The following KCNT1 variants were observed in gnomAD, a reference collection of about 807,000 sequenced individuals.
KCNT1 encodes potassium sodium-activated channel subfamily T member 1.
In KCNT1, 78 loss-of-function variants were observed where a neutral mutation model predicts 147.8. That is an observed-to-expected ratio of 0.53 (90% CI 0.44 to 0.64). The LOEUF is 0.64. Ranked by LOEUF, KCNT1 falls within the 30% of genes least tolerant of loss-of-function variation. The pLI, the probability that KCNT1 is intolerant of heterozygous loss-of-function variation, is 0.00. For synonymous variants in KCNT1, 867 were observed against 748.8 expected (o/e 1.16, Z -2.58); for missense variants, 1,419 against 1,750.3 (o/e 0.81, Z 3.38).
At chr9:135,743,570 C>T (rs1830667084) in intron 2 of KCNT1, among the ~76,000 whole-genome samples, 1 of 152,190 alleles carries the variant, frequency 6.6e-6, no homozygotes, top group African/African-American at 2.4e-5. Context: ...CAGCCTGGGG[C>T]CCCATGGTGC....
chr9:135,793,322 C>T lies in KCNT1; in HGVS notation c.*1161C>T, dbSNP rs1422024214. ...TCGGGAACCAAATTGTATTTGGCTA[C>T]TGGTGACTGGATCCTGGTAGCCAGG... On this transcript the variant is annotated 3_prime_UTR_variant, in exon 31 of 31. Coordinates refer to ENST00000371757, the MANE Select transcript of KCNT1 (RefSeq NM_020822.3). The T allele has an allele frequency of 6.6e-6, 1 of 152,212 alleles. No homozygotes were observed. The highest frequency in any genetic ancestry group is 2.4e-5 in the African/African-American group (1 of 41,426). 9.4% of individuals were successfully genotyped at this position (152,212 alleles called of 1,614,324 possible).
chr9:135,731,977 TATATATATATATATAGAGAGAG>T (rs1272108035), intron 2 of KCNT1, among the ~76,000 whole-genome samples: 2 of 30,150 alleles, frequency 6.6e-5, no homozygotes, highest in African/African-American at 2.2e-4. Flanking sequence ...TATATATATA[TATATATATATATATAGAGAGAG>T]AGAGAGAGAG....
intron 24 of KCNT1, among the ~76,000 whole-genome samples, chr9:135,783,792 C>A (rs974537837): frequency 6.6e-6 from 1 of 152,264 alleles, no homozygotes; most frequent in Admixed American, 6.5e-5. Context: ...TCACTCCTCC[C>A]GGGCTCTGGC....
intron 11 of KCNT1, among the ~76,000 whole-genome samples, chr9:135,762,179 C>T (rs1259715396): frequency 1.3e-5 from 2 of 152,222 alleles, no homozygotes. Context: ...GCGCAGGGCT[C>T]ATGCCTGTAA....
intron 11 of KCNT1, 133 bp downstream of exon 11, chr9:135,759,992 G>A: frequency 1.2e-6 from 1 of 828,598 alleles, no homozygotes; most frequent in Non-Finnish European, 1.8e-6. Flanking sequence ...GGCCAGGCGG[G>A]TGGTGCCTGC....
intron 2 of KCNT1, among the ~76,000 whole-genome samples, chr9:135,731,958 G>GTATATATA (rs1564327715): frequency 2.5e-4 from 9 of 35,536 alleles, no homozygotes; most frequent in Admixed American, 2.3e-3. Flanking sequence ...TCAAATATGC[G>GTATATATA]TGTATATATA....
chr9:135,724,700 T>C (rs1836060464), intron 2 of KCNT1, among the ~76,000 whole-genome samples: 1 of 152,240 alleles, frequency 6.6e-6, no homozygotes, highest in Non-Finnish European at 1.5e-5. Flanking sequence ...AGACAATTAT[T>C]TTCCATCTGA....
intron 2 of KCNT1, among the ~76,000 whole-genome samples, chr9:135,723,939 G>A (rs893796355): frequency 6.6e-6 from 1 of 152,200 alleles, no homozygotes. Context: ...GTTCCCCTGA[G>A]GGTGCTGTGG....
At chr9:135,741,948 C>T (rs573624160) in intron 2 of KCNT1, among the ~76,000 whole-genome samples, 6 of 152,312 alleles carry the variant, frequency 3.9e-5, no homozygotes, top group South Asian at 4.1e-4. Flanking sequence ...CCGACCAGGC[C>T]GGCCCTCTGG....
intron 1 of KCNT1, among the ~76,000 whole-genome samples, chr9:135,711,295 A>G (rs566578268): frequency 1.3e-5 from 2 of 152,234 alleles, no homozygotes; most frequent in Non-Finnish European, 2.9e-5. Context: ...GCCACCGGGA[A>G]CAGATGCAGG....
chr9:135,761,884 C>T (rs370306862), intron 11 of KCNT1, among the ~76,000 whole-genome samples: 1 of 152,206 alleles, frequency 6.6e-6, no homozygotes, highest in South Asian at 2.1e-4. Flanking sequence ...CTGCGTCCGG[C>T]TCCTCTCCCC....
chr9:135,791,746 G>A (rs772179643), intron 29 of KCNT1, 51 bp from the exon 30 acceptor site: 9 of 1,504,788 alleles, frequency 6.0e-6, no homozygotes, highest in Middle Eastern at 1.7e-4. Flanking sequence ...CTGCAGAGCT[G>A]GGAGGGGCAG....
At chr9:135,763,875 G>A (rs1471212304) in intron 11 of KCNT1, among the ~76,000 whole-genome samples, 1 of 152,086 alleles carries the variant, frequency 6.6e-6, no homozygotes, top group Admixed American at 6.5e-5. Context: ...CAGCCATCTT[G>A]TAGGTGAGGA....
chr9:135,785,162 A>G, intron 27 of KCNT1, 148 bp from the exon 28 acceptor site: 1 of 1,288,530 alleles, frequency 7.8e-7, no homozygotes, highest in South Asian at 1.4e-5. Flanking sequence ...TTCAGGAAGA[A>G]TACGGGCAGC....
chr9:135,760,921 CTG>C, intron 11 of KCNT1, among the ~76,000 whole-genome samples: 1 of 152,352 alleles, frequency 6.6e-6, no homozygotes, highest in African/African-American at 2.4e-5. Flanking sequence ...GAGCGAGTCT[CTG>C]TGTTCTAGAA....
chr9:135,765,500 G>C lies in KCNT1; in HGVS notation c.1201-124G>C, dbSNP rs537110179. 24 of 1,128,558 alleles carry C rather than the reference G, an allele frequency of 2.1e-5. 1 individual carries two copies. The South Asian group carries it at 3.9e-4, about 18-fold the overall frequency. 69.9% of individuals were successfully genotyped at this position (1,128,558 alleles called of 1,614,324 possible). Reference sequence around the variant, plus strand: ...GGGGCCCCTCTTTTCCCTCCCACCAGATGCAAGATCACAGTGAGCTCTAGG... The same window carrying C: ...GGGGCCCCTCTTTTCCCTCCCACCACATGCAAGATCACAGTGAGCTCTAGG... On this transcript the variant is annotated intron_variant, in intron 12 of 30. Coordinates refer to ENST00000371757, the MANE Select transcript of KCNT1 (RefSeq NM_020822.3).
intron 2 of KCNT1, among the ~76,000 whole-genome samples, chr9:135,729,644 C>CAG (rs1421584743): frequency 6.6e-6 from 1 of 152,238 alleles, no homozygotes; most frequent in African/African-American, 2.4e-5. Flanking sequence ...TCTCGTCCTG[C>CAG]AGAAGTTTCC....
At chr9:135,749,208 G>A (rs1031912606) in intron 2 of KCNT1, among the ~76,000 whole-genome samples, 2 of 152,116 alleles carry the variant, frequency 1.3e-5, no homozygotes, top group Non-Finnish European at 2.9e-5. Context: ...CTGGGGCAGT[G>A]GGGGCAGCAG....
chr9:135,751,414 A>G (rs1420863315), intron 4 of KCNT1, among the ~76,000 whole-genome samples: 3 of 151,966 alleles, frequency 2.0e-5, no homozygotes, highest in Non-Finnish European at 4.4e-5. Context: ...CCCCCTGGGG[A>G]AAGCCCCTAC....
Sources: gnomAD v4.1 joint callset for allele counts (sites outside exome capture counted in the v4.1 genomes callset) on GRCh38, gnomAD v4.1.1 for gene constraint, MANE v1.5 for transcripts, NCBI Gene and HGNC (gene_info 2026-07-23, HGNC 2026-07-21) for gene names.